The following STXBP6 variants were observed in gnomAD, a reference collection of about 807,000 sequenced individuals.
STXBP6 encodes syntaxin binding protein 6.
A neutral mutation model predicts 26.9 loss-of-function variants in STXBP6; 21 were observed. That is an observed-to-expected ratio of 0.78 (90% CI 0.55 to 1.12). STXBP6 has a LOEUF of 1.12. Ranked by LOEUF, STXBP6 falls within the 50% of genes most tolerant of loss-of-function variation. The pLI, the probability that STXBP6 is intolerant of heterozygous loss-of-function variation, is 0.00. For missense variants in STXBP6, 232 were observed against 257.9 expected (o/e 0.90, Z 0.69); for synonymous variants, 97 against 92.6 (o/e 1.05, Z -0.27).
chr14:24,914,389 T>A (rs1436083454), intron 2 of STXBP6, among the ~76,000 whole-genome samples: 2 of 152,160 alleles, frequency 1.3e-5, no homozygotes, highest in Non-Finnish European at 2.9e-5. Context: ...TGGCTTTTTA[T>A]TTTACTTTTT....
intron 1 of STXBP6, among the ~76,000 whole-genome samples, chr14:25,020,532 C>T (rs539138628): frequency 6.6e-6 from 1 of 152,260 alleles, no homozygotes; most frequent in Non-Finnish European, 1.5e-5. Flanking sequence ...AACCTCAATA[C>T]CCAACCCTAT....
chr14:24,977,169 C>G (rs887054769), intron 1 of STXBP6, among the ~76,000 whole-genome samples: 1 of 151,902 alleles, frequency 6.6e-6, no homozygotes, highest in Non-Finnish European at 1.5e-5. Context: ...CTGTCTCACC[C>G]GGTGTTCTCG....
chr14:24,874,158 T>A (rs2070047196), intron 2 of STXBP6, among the ~76,000 whole-genome samples: 1 of 152,168 alleles, frequency 6.6e-6, no homozygotes, highest in Non-Finnish European at 1.5e-5. Flanking sequence ...GGAAAATTGC[T>A]CACTCCCTCT....
At chr14:25,036,661 T>C (rs1003767037) in intron 1 of STXBP6, among the ~76,000 whole-genome samples, 1 of 152,028 alleles carries the variant, frequency 6.6e-6, no homozygotes, top group Non-Finnish European at 1.5e-5. Flanking sequence ...GAGACCATCC[T>C]GGCTAACAGA....
In STXBP6 at chr14:25,049,320, T is replaced by A. The variant is rs1303210482; in HGVS notation, c.-33+558A>T. 1 of 985,280 alleles carries A rather than the reference T, an allele frequency of 1.0e-6. No individual in the cohort carries two copies. Among genetic ancestry groups the A allele is most frequent in the Non-Finnish European group, 1.2e-6 (1 of 829,940 alleles). 61.0% of individuals were successfully genotyped at this position (985,280 alleles called of 1,614,324 possible). A position where few individuals can be genotyped will look rare whatever the true frequency, so the allele number is the denominator to read the frequency against. ...CAAGCCTGAGATCGGAAAGGGGGCATCGCCCAGGGCCAGCGCCCTGGGGGC... is the reference window on the plus strand; with the variant it reads ...CAAGCCTGAGATCGGAAAGGGGGCAACGCCCAGGGCCAGCGCCCTGGGGGC... On this transcript the variant is annotated intron_variant, in intron 1 of 5. Coordinates refer to ENST00000323944, the MANE Select transcript of STXBP6 (RefSeq NM_001394410.1). This position sits in a 1 kb window ranked among gnomAD's most constrained non-coding sequence, Gnocchi z 5.6.
intron 1 of STXBP6, among the ~76,000 whole-genome samples, chr14:25,024,810 C>T (rs745314043): frequency 4.8e-4 from 73 of 152,192 alleles, no homozygotes; most frequent in Non-Finnish European, 8.4e-4. Flanking sequence ...CAAAAACTTA[C>T]AGTTGACTAT....
intron 2 of STXBP6, among the ~76,000 whole-genome samples, chr14:24,883,031 C>T (rs1025051649): frequency 6.6e-6 from 1 of 152,176 alleles, no homozygotes; most frequent in East Asian, 1.9e-4. Context: ...GGATTAGTTA[C>T]ATGCATTCTG....
chr14:24,896,317 ATG>A (rs1298706508), intron 2 of STXBP6, among the ~76,000 whole-genome samples: 5 of 149,524 alleles, frequency 3.3e-5, no homozygotes, highest in African/African-American at 1.2e-4. Context: ...ATATATATAT[ATG>A]CCACAATTCA....
intron 2 of STXBP6, among the ~76,000 whole-genome samples, chr14:24,893,434 GAGCT>G (rs1482547310): frequency 6.6e-6 from 1 of 152,208 alleles, no homozygotes; most frequent in African/African-American, 2.4e-5. Flanking sequence ...ACAGAGATCA[GAGCT>G]TTGGCTATCT....
In STXBP6 at chr14:25,049,650, C is replaced by A; in HGVS notation, c.-33+228G>T. 1.0e-6 allele frequency: 1 copy of A among 985,522 alleles called. No homozygotes were observed. The highest frequency in any genetic ancestry group is 1.2e-6 in the Non-Finnish European group (1 of 830,042). The allele number at this position is 985,522 out of a possible 1,614,324, so 61.0% of individuals were successfully genotyped here. On this transcript the variant is annotated intron_variant, in intron 1 of 5. Coordinates refer to ENST00000323944, the MANE Select transcript of STXBP6 (RefSeq NM_001394410.1). This position sits in a 1 kb window ranked among gnomAD's most constrained non-coding sequence, Gnocchi z 5.6. ...CCAGGGTTGGAGAGAACCAGGGACA[C>A]GAGTCCCTCTCTGCGCGCACAAAGC...
At chr14:24,998,606 C>A (rs905509752) in intron 1 of STXBP6, among the ~76,000 whole-genome samples, 7 of 151,990 alleles carry the variant, frequency 4.6e-5, no homozygotes, top group African/African-American at 1.7e-4. Context: ...GTAAAAAAAA[C>A]AAAGCTCAGC....
intron 4 of STXBP6, among the ~76,000 whole-genome samples, chr14:24,836,907 C>G (rs1273500093): frequency 6.6e-6 from 1 of 152,144 alleles, no homozygotes; most frequent in African/African-American, 2.4e-5. Context: ...TAACTTGCAG[C>G]TGCAAGCTAA....
intron 2 of STXBP6, among the ~76,000 whole-genome samples, chr14:24,934,762 TAAG>T (rs2072538255): frequency 6.6e-6 from 1 of 151,828 alleles, no homozygotes; most frequent in East Asian, 1.9e-4. Flanking sequence ...GGAGGAAAAA[TAAG>T]AAGTATAATA....
At chr14:24,919,283 A>T (rs1312151036) in intron 2 of STXBP6, among the ~76,000 whole-genome samples, 1 of 152,060 alleles carries the variant, frequency 6.6e-6, no homozygotes, top group African/African-American at 2.4e-5. Context: ...ATGGTACTTT[A>T]GTCTTCCAGA....
intron 1 of STXBP6, among the ~76,000 whole-genome samples, chr14:25,015,023 A>G (rs374337031): frequency 3.7e-4 from 57 of 152,314 alleles, no homozygotes; most frequent in African/African-American, 1.3e-3. Flanking sequence ...CTTTTACATA[A>G]TATTTCATTG....
intron 2 of STXBP6, among the ~76,000 whole-genome samples, chr14:24,926,399 C>T (rs1450338824): frequency 6.6e-6 from 1 of 152,076 alleles, no homozygotes; most frequent in South Asian, 2.1e-4. Flanking sequence ...GGATCTCTCT[C>T]TGCCATGTAG....
At chr14:24,857,304 A>T (rs2139186019) in intron 2 of STXBP6, 147 bp from the exon 3 acceptor site, 2 of 1,048,968 alleles carry the variant, frequency 1.9e-6, no homozygotes, top group Middle Eastern at 4.4e-4. Flanking sequence ...ATGAATAAAT[A>T]TGTGTGCCTT....
intron 2 of STXBP6, among the ~76,000 whole-genome samples, chr14:24,943,224 T>A (rs2072867532): frequency 6.6e-6 from 1 of 152,196 alleles, no homozygotes; most frequent in Admixed American, 6.5e-5. Context: ...CTTGGGTTTC[T>A]GGCAGGACTC....
intron 2 of STXBP6, among the ~76,000 whole-genome samples, chr14:24,904,839 G>A (rs1276068713): frequency 6.6e-6 from 1 of 152,172 alleles, no homozygotes; most frequent in African/African-American, 2.4e-5. Context: ...TGGTATTCTG[G>A]ATATGGCAGC....
Sources: gnomAD v4.1 joint callset for allele counts (sites outside exome capture counted in the v4.1 genomes callset) on GRCh38, gnomAD v4.1.1 for gene constraint, Gnocchi (gnomAD v3.1) non-coding constraint, MANE v1.5 for transcripts, NCBI Gene and HGNC (gene_info 2026-07-23, HGNC 2026-07-21) for gene names.